Variants in TYW1 observed in about 807,000 individuals in gnomAD.
TYW1 encodes S-adenosyl-L-methionine-dependent tRNA 4-demethylwyosine synthase TYW1.
A neutral mutation model predicts 96.2 loss-of-function variants in TYW1; 46 were observed. That is an observed-to-expected ratio of 0.48 (90% confidence interval 0.38 to 0.61). The LOEUF is 0.61. Among genes scored for constraint, TYW1 ranks in the 20% least tolerant of loss-of-function variants. TYW1 has a pLI of 0.00. For missense variants in TYW1, 684 were observed against 909.6 expected (o/e 0.75, Z 3.19); for synonymous variants, 274 against 323.0 (o/e 0.85, Z 1.63).
In TYW1 at chr7:67,013,739, CTTTTTTTTTTTT is replaced by C. The variant is rs931500833; in HGVS notation, c.376-617_376-606del. On this transcript the variant is annotated intron_variant, in intron 4 of 15. Transcript: ENST00000359626. Reference sequence around the variant, plus strand: ...CCTGGCCATCTCTCTGCATTTTTTCCTTTTTTTTTTTTTTTTTTTTTTGAGATGGAGTCTTGC... The same window carrying C: ...CCTGGCCATCTCTCTGCATTTTTTCCTTTTTTTTTTGAGATGGAGTCTTGC... Among the ~76,000 whole-genome samples, 2 of 97,516 alleles carry C rather than the reference CTTTTTTTTTTTT, an allele frequency of 2.1e-5. 1 individual carries two copies. The highest frequency in any genetic ancestry group is 0.013 in the Middle Eastern group (2 of 160). 64.0% of individuals were successfully genotyped at this position (97,516 alleles called of 152,430 possible).
intron 15 of TYW1, among the ~76,000 whole-genome samples, chr7:67,201,747 T>G (rs1211276712): frequency 1.3e-5 from 2 of 152,186 alleles, no homozygotes; most frequent in Non-Finnish European, 2.9e-5. Context: ...GCTTTGAAAT[T>G]AATTACTTAA....
intron 13 of TYW1, among the ~76,000 whole-genome samples, chr7:67,173,944 G>GA (rs1360047251): frequency 7.2e-6 from 1 of 139,584 alleles, no homozygotes; most frequent in Non-Finnish European, 1.6e-5. Flanking sequence ...TTCAAATGTT[G>GA]AATCAGCCTT....
In TYW1 at chr7:67,006,431, T is replaced by G. The variant is rs1211780716; in HGVS notation, c.274-3152T>G. ...TAAATTGCCCAATCTCAGGTATTTC[T>G]TTTTTCCTTTTTTTTTTTTTTTTTT... On this transcript the variant is annotated intron_variant, in intron 3 of 15. Coordinates refer to ENST00000359626, the MANE Select transcript of TYW1 (RefSeq NM_018264.4). Among the ~76,000 whole-genome samples, 3 of 137,096 alleles carry G rather than the reference T, an allele frequency of 2.2e-5. No homozygotes were observed. In the East Asian group the frequency reaches 6.5e-4, roughly 30 times the overall value. 89.9% of individuals were successfully genotyped at this position (137,096 alleles called of 152,430 possible). A position where few individuals can be genotyped will look rare whatever the true frequency, so the allele number is the denominator to read the frequency against.
chr7:67,124,429 G>A (rs1241907097), intron 13 of TYW1, among the ~76,000 whole-genome samples: 1 of 151,844 alleles, frequency 6.6e-6, no homozygotes, highest in Non-Finnish European at 1.5e-5. Context: ...ATGGGGTCTT[G>A]TTTGTTGCCC....
At chr7:67,075,146 A>G (rs1323722464) in intron 10 of TYW1, among the ~76,000 whole-genome samples, 1 of 152,220 alleles carries the variant, frequency 6.6e-6, no homozygotes, top group Non-Finnish European at 1.5e-5. Context: ...ACTGTTATGG[A>G]TAGATAAAAT....
At chr7:67,142,459 C>T (rs894573641) in intron 13 of TYW1, among the ~76,000 whole-genome samples, 13 of 150,560 alleles carry the variant, frequency 8.6e-5, no homozygotes, top group East Asian at 2.0e-4. Flanking sequence ...GACAGAGCCT[C>T]GCTCTGTCAC....
chr7:67,212,803 G>A (rs1012587142), intron 15 of TYW1, among the ~76,000 whole-genome samples: 2 of 152,056 alleles, frequency 1.3e-5, no homozygotes, highest in Middle Eastern at 3.2e-3. Context: ...TGCCATCTGT[G>A]TATTTTGTAT....
chr7:67,109,599 G>A (rs1044698583), intron 12 of TYW1, among the ~76,000 whole-genome samples: 31 of 152,180 alleles, frequency 2.0e-4, no homozygotes, highest in African/African-American at 7.2e-4. Context: ...CCAGTAGCTC[G>A]GCTGGGAGCA....
At chr7:67,215,661 A>G (rs377414635) in intron 15 of TYW1, among the ~76,000 whole-genome samples, 271 of 151,932 alleles carry the variant, frequency 1.8e-3, no homozygotes, top group African/African-American at 6.3e-3. Flanking sequence ...GGATAGAACT[A>G]ATAGGGGAGT....
chr7:67,218,171 T>A (rs1801262933), intron 15 of TYW1, among the ~76,000 whole-genome samples: 1 of 152,154 alleles, frequency 6.6e-6, no homozygotes, highest in Non-Finnish European at 1.5e-5. Flanking sequence ...TGTTGACATC[T>A]TAATATTAAA....
intron 9 of TYW1, among the ~76,000 whole-genome samples, chr7:67,062,840 A>T (rs62466637): frequency 6.6e-6 from 1 of 152,218 alleles, no homozygotes; most frequent in Non-Finnish European, 1.5e-5. Context: ...CTAGTTTTCA[A>T]TGGTTTTCCT....
At chr7:67,059,948 T>C (rs1410020289) in intron 9 of TYW1, among the ~76,000 whole-genome samples, 2 of 151,746 alleles carry the variant, frequency 1.3e-5, no homozygotes. Context: ...AATTTTTGTA[T>C]TTTTAGTAGA....
At chr7:67,210,388 C>T (rs543523212) in intron 15 of TYW1, among the ~76,000 whole-genome samples, 1 of 152,264 alleles carries the variant, frequency 6.6e-6, no homozygotes, top group South Asian at 2.1e-4. Flanking sequence ...GACCTCGATC[C>T]TCCAACTGAG....
Position 66,998,920 on chromosome 7 carries a change from A to C in TYW1, c.239A>C (p.Lys80Thr), listed in dbSNP as rs1435486938. Residue 80 changes from lysine (K) to threonine (T), a missense_variant, in exon 3 of 16, where the codon AAG (lysine) becomes ACG (threonine). Coordinates refer to ENST00000359626, the MANE Select transcript of TYW1 (RefSeq NM_018264.4). ...AAAGACATCTTTGTGTCTGGAGTGA[A>C]GATTTTTTATGGTTCTCAGACTGGA... ...QEKDIFVSGV[K>T]IFYGSQTGTA... 10 of 1,614,148 alleles carry C rather than the reference A, an allele frequency of 6.2e-6. No homozygotes were observed. The African/African-American group carries it at 6.7e-5, about 11-fold the overall frequency.
At chr7:67,154,707 G>A (rs1428690293) in intron 13 of TYW1, among the ~76,000 whole-genome samples, 1 of 150,084 alleles carries the variant, frequency 6.7e-6, no homozygotes, top group African/African-American at 2.4e-5. Context: ...TGCTGTATCT[G>A]GTTGTCTATC....
chr7:67,005,530 A>G (rs1793546677), intron 3 of TYW1, among the ~76,000 whole-genome samples: 1 of 152,246 alleles, frequency 6.6e-6, no homozygotes, highest in Non-Finnish European at 1.5e-5. Flanking sequence ...CAGGAGGTCA[A>G]GGCTGCAGTA....
chr7:67,150,656 T>C (rs1798765786), intron 13 of TYW1, among the ~76,000 whole-genome samples: 2 of 152,228 alleles, frequency 1.3e-5, no homozygotes, highest in South Asian at 2.1e-4. Context: ...ATGAGTACTA[T>C]TCAATGAATT....
intron 13 of TYW1, among the ~76,000 whole-genome samples, chr7:67,172,489 C>T (rs1240779804): frequency 1.3e-5 from 2 of 151,528 alleles, no homozygotes; most frequent in Non-Finnish European, 2.9e-5. Context: ...AGCCCAGTCT[C>T]AGCTCACTGC....
chr7:67,202,340 G>A (rs1453159202), intron 15 of TYW1, among the ~76,000 whole-genome samples: 1 of 152,122 alleles, frequency 6.6e-6, no homozygotes, highest in Non-Finnish European at 1.5e-5. Flanking sequence ...AGAGAGGTCC[G>A]AATCATCAAA....
Sources: allele counts gnomAD v4.1 joint callset (sites outside exome capture counted in the v4.1 genomes callset), GRCh38; gene constraint gnomAD v4.1.1; transcripts MANE v1.5; gene names NCBI Gene and HGNC (gene_info 2026-07-23, HGNC 2026-07-21).